Variants in CROCC2 observed in about 807,000 individuals in gnomAD.
The protein encoded by CROCC2 is ciliary rootlet coiled-coil, rootletin family member 2, also known as ciliary rootlet coiled-coil protein 2.
Under a neutral mutation model 177.6 loss-of-function variants are expected in CROCC2, and 163 were observed. The ratio of observed to expected loss-of-function variants is 0.92; its 90% CI spans 0.81 to 1.05. The LOEUF is 1.05. Ranked by LOEUF, CROCC2 falls within the 50% of genes least tolerant of loss-of-function variation. The pLI is 0.00. For missense variants in CROCC2, 1,929 were observed against 1,797.8 expected (o/e 1.07, Z -1.32); for synonymous variants, 904 against 787.3 (o/e 1.15, Z -2.48).
intron 2 of CROCC2, among the ~76,000 whole-genome samples, chr2:240,919,437 T>C (rs994697056): frequency 2.6e-5 from 4 of 152,138 alleles, no homozygotes; most frequent in African/African-American, 9.7e-5. Context: ...GCCCCTGCTC[T>C]GCCTCCAATT....
rs774602828 is a variant in CROCC2, at chr2:240,949,791, A to G, written c.2652+89A>G. On this transcript the variant is annotated intron_variant, in intron 17 of 31. Coordinates refer to ENST00000690015, the MANE Select transcript of CROCC2 (RefSeq NM_001351305.2). This position sits in a 1 kb window ranked among gnomAD's most constrained non-coding sequence, Gnocchi z 4.5. Reference sequence around the variant, plus strand: ...GCCCTTGGGAGGAGGGGGCCCTGGGAGACAGAGCTCAGAGACATAGGCGCC... The same window carrying G: ...GCCCTTGGGAGGAGGGGGCCCTGGGGGACAGAGCTCAGAGACATAGGCGCC... 1.8e-5 allele frequency: 24 copies of G among 1,361,870 alleles called. No individual in the cohort carries two copies. The highest frequency in any genetic ancestry group is 2.4e-5 in the Non-Finnish European group (24 of 1,010,010). The allele number at this position is 1,361,870 out of a possible 1,614,324, so 84.4% of individuals were successfully genotyped here.
chr2:240,907,472 G>C (rs1559585175), intron 1 of CROCC2, among the ~76,000 whole-genome samples: 1 of 152,150 alleles, frequency 6.6e-6, no homozygotes, highest in Non-Finnish European at 1.5e-5. Context: ...CTTACTCATG[G>C]TTGCTTGTTA....
At chr2:240,941,044 G>A (rs6714289) in intron 14 of CROCC2, among the ~76,000 whole-genome samples, 86,466 of 151,852 alleles carry the variant, frequency 0.57, 25,220 homozygotes, top group Non-Finnish European at 0.63. Context: ...ACACCAACAG[G>A]GACTAAGCTG....
rs2059569476 is a variant in CROCC2 at position 240,953,393 on chromosome 2, C to T, written c.2830-2466C>T. Among the ~76,000 whole-genome samples the T allele has an allele frequency of 6.7e-6, 1 of 150,294 alleles. No homozygotes were observed. The highest frequency in any genetic ancestry group is 2.5e-5 in the African/African-American group (1 of 40,686). ...CGGAGATCACGCCACTGCATTCCAGCCTGGGTGACAGAGTGAGACTCTGTC... is the reference window on the plus strand; with the variant it reads ...CGGAGATCACGCCACTGCATTCCAGTCTGGGTGACAGAGTGAGACTCTGTC... On this transcript the variant is annotated intron_variant, in intron 18 of 31. Coordinates refer to ENST00000690015, the MANE Select transcript of CROCC2 (RefSeq NM_001351305.2). This position sits in a 1 kb window ranked among gnomAD's most constrained non-coding sequence, Gnocchi z 4.0.
At position 240,918,783 on chromosome 2, in the gene CROCC2, G is replaced by A. The variant is rs1185069493; in HGVS notation, c.136G>A (p.Val46Met). ...CAGCAGGGAAGACCGGGCGCTGACC[G>A]TGCGTGGGGAAGGCCGGCAGGCCTC... ...TASREDRALT[V>M]RGEGRQASPT... is the part of the protein sequence containing the mutation. Residue 46 changes from valine (V) to methionine (M), a missense_variant, in exon 2 of 32, where the codon GTG becomes ATG. Transcript: ENST00000690015. The surrounding 1 kb of genome is among the most constrained non-coding windows in gnomAD (Gnocchi z 6.3). 11 of 595,576 alleles carry A rather than the reference G, an allele frequency of 1.8e-5. No homozygotes were observed. Among genetic ancestry groups the A allele is most frequent in the Admixed American group, 9.3e-5 (3 of 32,298 alleles). The allele number at this position is 595,576 out of a possible 1,614,324, so 36.9% of individuals were successfully genotyped here. A position where few individuals can be genotyped will look rare whatever the true frequency, so the allele number is the denominator to read the frequency against.
intron 27 of CROCC2, 42 bp downstream of exon 27, chr2:240,968,304 A>G (rs1256003893): frequency 8.7e-6 from 13 of 1,500,874 alleles, no homozygotes; most frequent in Non-Finnish European, 1.2e-5. Context: ...GGGCACAAGA[A>G]CAAGGCCTCT....
chr2:240,916,583 C>T (rs926597517), intron 1 of CROCC2, among the ~76,000 whole-genome samples: 2 of 151,522 alleles, frequency 1.3e-5, no homozygotes, highest in Admixed American at 6.6e-5. Flanking sequence ...AGCTGGGCCG[C>T]GGCCTATTGC....
intron 25 of CROCC2, 97 bp from the exon 26 acceptor site, chr2:240,967,248 C>T (rs372803535): frequency 9.5e-5 from 50 of 528,240 alleles, no homozygotes; most frequent in South Asian, 6.7e-4. Context: ...CAGGCCAGAC[C>T]GTGAGCGGCC....
In CROCC2 at chr2:240,925,788, A is replaced by G. The variant is rs1350134752; in HGVS notation, c.553A>G (p.Asn185Asp). 2.8e-6 allele frequency: 2 copies of G among 716,934 alleles called. No homozygotes were observed. Among genetic ancestry groups the G allele is most frequent in the African/African-American group, 1.7e-5 (1 of 57,262 alleles). 44.4% of individuals were successfully genotyped at this position (716,934 alleles called of 1,614,324 possible). ...REQLEHMKKA[N>D]DALGRELAGM... ...GCAGCTGGAACATATGAAGAAGGCC[A>G]ATGACGCGCTGGGCCGGGAGCTGGC... The change falls in exon 5 of 32, where the codon AAT becomes GAT. Residue 185 changes from asparagine to aspartate, a missense_variant. This residue lies in a region of CROCC2 where 1,397 missense variants were observed against 1,239.9 expected (regional missense o/e 1.13). Coordinates refer to ENST00000690015, the MANE Select transcript of CROCC2 (RefSeq NM_001351305.2).
At chr2:240,912,960 G>A (rs529705971) in intron 1 of CROCC2, among the ~76,000 whole-genome samples, 10 of 152,254 alleles carry the variant, frequency 6.6e-5, no homozygotes, top group East Asian at 5.8e-4. Flanking sequence ...CACGGTGCCC[G>A]TCGCTGAGCT....
intron 14 of CROCC2, among the ~76,000 whole-genome samples, chr2:240,945,037 A>G (rs1165276756): frequency 6.6e-6 from 1 of 152,150 alleles, no homozygotes; most frequent in Non-Finnish European, 1.5e-5. Flanking sequence ...CCTGGGTTCA[A>G]GCGATTCTCC....
In CROCC2 at chr2:240,931,120, C is replaced by G. The variant is rs2059427985; in HGVS notation, c.939C>G (p.Leu313=). 2.8e-6 allele frequency: 2 copies of G among 712,326 alleles called. No homozygotes were observed. The highest frequency in any genetic ancestry group is 3.0e-5 in the South Asian group (2 of 67,358). 44.1% of individuals were successfully genotyped at this position (712,326 alleles called of 1,614,324 possible). A position where few individuals can be genotyped will look rare whatever the true frequency, so the allele number is the denominator to read the frequency against. Residue 313 remains leucine (L), a synonymous_variant, in exon 7 of 32, where the codon CTC becomes CTG. Transcript: ENST00000690015. ...QGRWDAEKVA[L]QARLSEQTLL... is the part of the protein sequence containing the mutation. Reference sequence around the variant, plus strand: ...GCTGGGACGCAGAGAAGGTGGCGCTCCAGGCCAGGTGGGCGCCCAGGGCCA... The same window carrying G: ...GCTGGGACGCAGAGAAGGTGGCGCTGCAGGCCAGGTGGGCGCCCAGGGCCA...
chr2:240,948,804 C>T (rs1332084789), intron 15 of CROCC2, among the ~76,000 whole-genome samples, 175 bp from the exon 16 acceptor site: 4 of 152,202 alleles, frequency 2.6e-5, no homozygotes, highest in Non-Finnish European at 5.9e-5. Flanking sequence ...AAAATAGTTT[C>T]CTCATCCTTG....
At chr2:240,911,000 AG>A (rs1205646041) in intron 1 of CROCC2, among the ~76,000 whole-genome samples, 8 of 151,980 alleles carry the variant, frequency 5.3e-5, no homozygotes, top group Admixed American at 1.3e-4. Context: ...GCATGATGGC[AG>A]GCGCCTGTAA....
At chr2:240,916,528 G>C (rs2059322073) in intron 1 of CROCC2, among the ~76,000 whole-genome samples, 1 of 106,852 alleles carries the variant, frequency 9.4e-6, no homozygotes, top group African/African-American at 3.5e-5. Context: ...CCCCCTGAAC[G>C]CCCCCTGCGC....
chr2:240,933,456 G>A (rs773520831), intron 10 of CROCC2, 114 bp downstream of exon 10: 7 of 1,216,876 alleles, frequency 5.8e-6, no homozygotes, highest in Non-Finnish European at 6.7e-6. Flanking sequence ...AGCCGGGGAG[G>A]GGTCCTTGCC....
chr2:240,913,116 G>A (rs1005173275), intron 1 of CROCC2, among the ~76,000 whole-genome samples: 8 of 152,262 alleles, frequency 5.3e-5, no homozygotes, highest in Middle Eastern at 3.4e-3. Context: ...CACTAGCCCC[G>A]GGGTCCAAGG....
chr2:240,955,523 G>T, intron 18 of CROCC2: 1 of 255,906 alleles, frequency 3.9e-6, no homozygotes, highest in Non-Finnish European at 7.5e-6. Context: ...GGTGGCTCAT[G>T]AAGGCCCCCA....
intron 20 of CROCC2, chr2:240,959,662 G>A (rs1228663755): frequency 7.8e-6 from 4 of 514,638 alleles, no homozygotes; most frequent in Admixed American, 3.7e-5. Context: ...AGGCTCTCAG[G>A]GCAGATGAAA....
Sources: allele counts gnomAD v4.1 joint callset (sites outside exome capture counted in the v4.1 genomes callset), GRCh38; gene constraint gnomAD v4.1.1; regional missense constraint gnomAD v4.1.1; non-coding constraint Gnocchi (gnomAD v3.1); transcripts MANE v1.5; gene names NCBI Gene and HGNC (gene_info 2026-07-23, HGNC 2026-07-21).